Variants in ZNF569 observed in about 807,000 individuals in gnomAD.
ZNF569 encodes the protein DNA-binding protein.
Under a neutral mutation model 56.3 loss-of-function variants are expected in ZNF569, and 38 were observed. The ratio of observed to expected loss-of-function variants is 0.68; its 90% CI spans 0.52 to 0.88. ZNF569 has a LOEUF of 0.88. ZNF569 is among the 40% of genes least tolerant of loss of function. The pLI, the probability that ZNF569 is intolerant of heterozygous loss-of-function variation, is 0.00. For synonymous variants in ZNF569, 241 were observed against 262.9 expected, an observed-to-expected ratio of 0.92 and a Z score of 0.81; for missense variants, 666 against 809.2, an observed-to-expected ratio of 0.82 and a Z score of 2.15.
At chr19:37,430,639 A>G (rs1368393599) in intron 3 of ZNF569, among the ~76,000 whole-genome samples, 2 of 150,796 alleles carry the variant, frequency 1.3e-5, no homozygotes, top group Non-Finnish European at 3.0e-5. Context: ...AGAAGCCTCC[A>G]CCGATCATAC....
chr19:37,413,323 T>C lies in ZNF569; in HGVS notation c.1335A>G (p.Lys445=). 1.2e-6 allele frequency: 2 copies of C among 1,607,498 alleles called. No individual in the cohort carries two copies. The highest frequency in any genetic ancestry group is 2.7e-5 in the African/African-American group (2 of 74,504). Residue 445 remains lysine, a synonymous_variant, in exon 6 of 6, where the codon AAA becomes AAG. Transcript: ENST00000316950. ...EKPYECNECG[K]AFIQMSNLVR... is the part of the protein sequence containing the mutation. ...CAAGATTTGACATCTGTATAAAAGC[T>C]TTCCCACATTCATTACACTCATAAG... is the stretch of plus-strand genomic sequence containing the variant.
chr19:37,469,161 G>A, upstream of ZNF569: 1 of 1,155,354 alleles, frequency 8.7e-7, no homozygotes, highest in Non-Finnish European at 1.1e-6. Context: ...CTCTCTGGAA[G>A]GCCGGGGAGA....
Position 37,444,913 on chromosome 19 carries a change from C to T in ZNF569, c.9G>A (p.Glu3=), listed in dbSNP as rs184415916. The T allele has an allele frequency of 8.7e-6, 14 of 1,608,694 alleles. No individual in the cohort carries two copies. The East Asian group carries it at 2.2e-4, about 26-fold the overall frequency. The change falls in exon 3 of 6, where the codon GAG becomes GAA. Residue 3 remains glutamate, a synonymous_variant. Transcript: ENST00000316950. The part of the protein sequence containing the change: MT[E]SQGTVTFKDV... ...TACACTATTTAACATTTACCTGGGA[C>T]TCAGTCATTTCCTCTTCTTTCTGGG...
At chr19:37,461,883 G>A (rs1347446545) in intron 2 of ZNF569, among the ~76,000 whole-genome samples, 1 of 152,078 alleles carries the variant, frequency 6.6e-6, no homozygotes, top group Non-Finnish European at 1.5e-5. Flanking sequence ...AGCCTGTCTG[G>A]CTGCAACTAT....
intron 3 of ZNF569, among the ~76,000 whole-genome samples, chr19:37,442,892 G>C (rs1386571180): frequency 6.6e-6 from 1 of 152,174 alleles, no homozygotes; most frequent in African/African-American, 2.4e-5. Flanking sequence ...AACACTCCTG[G>C]GGTGGGGGTG....
chr19:37,436,204 A>G (rs2041306860), intron 3 of ZNF569, among the ~76,000 whole-genome samples: 1 of 152,138 alleles, frequency 6.6e-6, no homozygotes, highest in South Asian at 2.1e-4. Flanking sequence ...AAACTATACA[A>G]ACACAGAAAT....
At chr19:37,428,829 C>T (rs2041179082) in intron 3 of ZNF569, among the ~76,000 whole-genome samples, 1 of 152,018 alleles carries the variant, frequency 6.6e-6, no homozygotes, top group Non-Finnish European at 1.5e-5. Flanking sequence ...CGTGCGCCAC[C>T]ACACCCAGCT....
intron 3 of ZNF569, among the ~76,000 whole-genome samples, chr19:37,443,778 A>G (rs1305334210): frequency 6.6e-6 from 1 of 151,726 alleles, no homozygotes; most frequent in Non-Finnish European, 1.5e-5. Flanking sequence ...AGGTCAAGGC[A>G]GGTGGATCAC....
intron 5 of ZNF569, among the ~76,000 whole-genome samples, chr19:37,420,364 G>A (rs1427227254): frequency 1.3e-5 from 2 of 152,148 alleles, no homozygotes; most frequent in African/African-American, 2.4e-5. Flanking sequence ...GGCATGTGAT[G>A]TTGTTTGATA....
intron 3 of ZNF569, among the ~76,000 whole-genome samples, chr19:37,437,507 A>G (rs2041330571): frequency 6.6e-6 from 1 of 152,200 alleles, no homozygotes; most frequent in Non-Finnish European, 1.5e-5. Context: ...GAAAGAAGTA[A>G]AGGGCATCCA....
At chr19:37,440,274 TTA>T (rs1381757833) in intron 3 of ZNF569, among the ~76,000 whole-genome samples, 1 of 152,070 alleles carries the variant, frequency 6.6e-6, no homozygotes, top group African/African-American at 2.4e-5. Flanking sequence ...ATGAAGGTGA[TTA>T]TGTTAGGTGA....
chr19:37,462,351 A>G (rs543591883), intron 2 of ZNF569, among the ~76,000 whole-genome samples: 3 of 151,954 alleles, frequency 2.0e-5, no homozygotes, highest in Admixed American at 6.6e-5. Flanking sequence ...GATCATTTCA[A>G]TCAGTATATA....
At chr19:37,430,343 T>C (rs1159858126) in intron 3 of ZNF569, among the ~76,000 whole-genome samples, 7 of 152,054 alleles carry the variant, frequency 4.6e-5, no homozygotes, top group Non-Finnish European at 8.8e-5. Context: ...CCACATTTGA[T>C]GAAAAACATT....
chr19:37,413,047 A>T lies in ZNF569; in HGVS notation c.1611T>A (p.Leu537=), dbSNP rs907314711. ...CTGTATGACTTCTCAAATGAAGGGT[A>T]AGGGATGCAATTTGAGAGAAGGCTT... ...CGKAFSQIAS[L]TLHLRSHTGE... is the part of the protein sequence containing the mutation. The change falls in exon 6 of 6, where the codon CTT becomes CTA. Residue 537 remains leucine, a synonymous_variant. Coordinates refer to ENST00000316950, the MANE Select transcript of ZNF569 (RefSeq NM_152484.3). The T allele has an allele frequency of 2.5e-6, 4 of 1,613,862 alleles. No homozygotes were observed. The African/African-American group carries it at 5.3e-5, about 22-fold the overall frequency.
rs374449375 is a variant in ZNF569 at position 37,434,585 on chromosome 19, G to T, written c.16-8207C>A. 2.6e-5 allele frequency among the ~76,000 whole-genome samples: 4 copies of T among 152,302 alleles called. No homozygotes were observed. The East Asian group carries it at 5.8e-4, about 22-fold the overall frequency. On this transcript the variant is annotated intron_variant, in intron 3 of 5. Coordinates refer to ENST00000316950, the MANE Select transcript of ZNF569 (RefSeq NM_152484.3). ...GCAAGCCTGTAGTCCCAGCTACTCG[G>T]TGTCAAGCCTCTGAGCCCAAGCTAA...
intron 5 of ZNF569, among the ~76,000 whole-genome samples, chr19:37,417,020 T>C (rs1037560403): frequency 6.6e-6 from 1 of 152,082 alleles, no homozygotes; most frequent in Non-Finnish European, 1.5e-5. Context: ...GAAGCCCCCA[T>C]GCGATACGAC....
chr19:37,467,499 C>G, upstream of ZNF569: 1 of 233,340 alleles, frequency 4.3e-6, no homozygotes, highest in Non-Finnish European at 8.3e-6. Context: ...ACCCCACCTG[C>G]AAAAAGGCAC....
chr19:37,427,259 G>A (rs2041149757), intron 3 of ZNF569, among the ~76,000 whole-genome samples: 1 of 152,010 alleles, frequency 6.6e-6, no homozygotes, highest in Non-Finnish European at 1.5e-5. Context: ...GGAGGTTGCA[G>A]TGAGTCGTGA....
chr19:37,463,586 A>G (rs531215215), intron 2 of ZNF569, among the ~76,000 whole-genome samples: 4 of 152,360 alleles, frequency 2.6e-5, no homozygotes, highest in East Asian at 3.9e-4. Context: ...TGTATTTACT[A>G]TACTATACTT....
Sources: allele counts gnomAD v4.1 joint callset (sites outside exome capture counted in the v4.1 genomes callset), GRCh38; gene constraint gnomAD v4.1.1; transcripts MANE v1.5; gene names NCBI Gene and HGNC (gene_info 2026-07-23, HGNC 2026-07-21).